Variants in PACSIN2 observed in about 807,000 individuals in gnomAD.
PACSIN2 encodes the protein protein kinase C and casein kinase substrate in neurons protein 2.
Under a neutral mutation model 63.8 loss-of-function variants are expected in PACSIN2, and 25 were observed. The ratio of observed to expected loss-of-function variants is 0.39; its 90% CI spans 0.29 to 0.55. The LOEUF (loss-of-function observed/expected upper bound fraction) is 0.55, where lower values mean the gene tolerates loss of function less well. PACSIN2 is among the 20% of genes least tolerant of loss of function. PACSIN2 has a pLI of 0.62. For synonymous variants in PACSIN2, 255 were observed against 256.2 expected (o/e 1.00, Z 0.05); for missense variants, 518 against 646.9 (o/e 0.80, Z 2.16).
chr22:42,923,488 C>T (rs955935776), intron 1 of PACSIN2, among the ~76,000 whole-genome samples: 4 of 152,068 alleles, frequency 2.6e-5, no homozygotes, highest in African/African-American at 7.2e-5. Flanking sequence ...AGTGCAGTGG[C>T]GTGATCTCGG....
intron 2 of PACSIN2, among the ~76,000 whole-genome samples, chr22:42,900,928 T>C (rs1461090833): frequency 3.9e-5 from 6 of 152,284 alleles, no homozygotes; most frequent in Middle Eastern, 3.4e-3. Flanking sequence ...CATGAGATGA[T>C]GCGTGTGCTT....
intron 1 of PACSIN2, among the ~76,000 whole-genome samples, chr22:42,997,542 C>T (rs570320649): frequency 4.2e-5 from 6 of 142,498 alleles, no homozygotes; most frequent in South Asian, 2.2e-4. Context: ...TGGGCGACAG[C>T]GAGACTCCGT....
intron 7 of PACSIN2, 58 bp downstream of exon 7, chr22:42,882,126 T>A (rs1929120045): frequency 1.3e-5 from 20 of 1,591,258 alleles, no homozygotes; most frequent in Non-Finnish European, 1.5e-5. Context: ...ATCTAGCAAC[T>A]CTGTGGGCCC....
chr22:42,871,229 A>G lies in PACSIN2; in HGVS notation c.*128T>C. ...GAAATGACCAGCTCATCTGCCTTCC[A>G]GGAACACCATGAAGCCAAGAGCAAT... On this transcript the variant is annotated 3_prime_UTR_variant, in exon 11 of 11. Coordinates refer to ENST00000263246, the MANE Select transcript of PACSIN2 (RefSeq NM_001184970.3). This position sits in a 1 kb window ranked among gnomAD's most constrained non-coding sequence, Gnocchi z 5.4. 1.5e-6 allele frequency: 1 copy of G among 670,824 alleles called. No homozygotes were observed. Among genetic ancestry groups the G allele is most frequent in the Non-Finnish European group, 2.7e-6 (1 of 368,994 alleles). 41.6% of individuals were successfully genotyped at this position (670,824 alleles called of 1,614,324 possible). A position where few individuals can be genotyped will look rare whatever the true frequency, so the allele number is the denominator to read the frequency against.
chr22:42,878,964 G>T (rs548322392), intron 8 of PACSIN2, 84 bp downstream of exon 8: 4 of 1,463,082 alleles, frequency 2.7e-6, no homozygotes, highest in South Asian at 2.8e-5. Flanking sequence ...AGGTGTCCAG[G>T]CCGGGGCTGC....
chr22:42,885,453 C>T lies in PACSIN2; in HGVS notation c.610-892G>A, dbSNP rs185406047. Reference sequence around the variant, plus strand: ...ATTCTTTCTACTATGGGGGTAGTCACGGGCTCCACTCAGGTCTAAGCTTTG... The same window carrying T: ...ATTCTTTCTACTATGGGGGTAGTCATGGGCTCCACTCAGGTCTAAGCTTTG... On this transcript the variant is annotated intron_variant, in intron 5 of 10. Coordinates refer to ENST00000263246, the MANE Select transcript of PACSIN2 (RefSeq NM_001184970.3). 1.6e-3 allele frequency among the ~76,000 whole-genome samples: 249 copies of T among 152,214 alleles called. 6 individuals are homozygous for T. The highest frequency in any genetic ancestry group is 0.011 in the Admixed American group (168 of 15,292).
chr22:42,957,326 T>G (rs546581280), intron 1 of PACSIN2, among the ~76,000 whole-genome samples: 2 of 152,368 alleles, frequency 1.3e-5, no homozygotes, highest in South Asian at 4.1e-4. Context: ...GTGCCAGTTT[T>G]CCTGAAGTGC....
chr22:42,912,064 T>C lies in PACSIN2; in HGVS notation c.17A>G (p.Asp6Gly), dbSNP rs781724114. 1 of 1,600,958 alleles carries C rather than the reference T, an allele frequency of 6.2e-7. No individual in the cohort carries two copies. The highest frequency in any genetic ancestry group is 8.5e-7 in the Non-Finnish European group (1 of 1,175,450). The stretch of plus-strand genomic sequence containing the variant: ...GGACACTTCTACTCCAACGGAATCA[T>C]CATATGTGACAGACATTTTTTCAAA... MSVTY[D>G]DSVGVEVSSD... is the part of the protein sequence containing the mutation. Residue 6 changes from aspartate (D) to glycine (G), a missense_variant, in exon 2 of 11, where the codon GAT becomes GGT. Asp to Gly is a moderately conservative substitution (Grantham distance 94). Around this residue, in one of 2 missense-constraint regions of PACSIN2, gnomAD observed 507 missense variants for 612.3 expected, o/e 0.83. Transcript: ENST00000263246.
chr22:42,893,394 C>A, intron 3 of PACSIN2, 63 bp downstream of exon 3: 5 of 1,546,688 alleles, frequency 3.2e-6, no homozygotes, highest in Non-Finnish European at 4.4e-6. Flanking sequence ...CACAACGTGC[C>A]CAGAGCCCCC....
At position 42,876,382 on chromosome 22, in the gene PACSIN2, G is replaced by A. The variant is rs770230323; in HGVS notation, c.1152-49C>T. The A allele has an allele frequency of 7.8e-6, 12 of 1,536,184 alleles. No homozygotes were observed. In the South Asian group the frequency reaches 1.4e-4, roughly 17 times the overall value. On this transcript the variant is annotated intron_variant, in intron 9 of 10. Coordinates refer to ENST00000263246, the MANE Select transcript of PACSIN2 (RefSeq NM_001184970.3). ...GGCCCTCAGCACAGGGCGGCAGAGG[G>A]TGTGAGGCCCCCGCCCCGCAAGGGG... is the stretch of plus-strand genomic sequence containing the variant.
At position 42,936,072 on chromosome 22, in the gene PACSIN2, C is replaced by T. The variant is rs185300755; in HGVS notation, c.-77-23915G>A. Among the ~76,000 whole-genome samples the T allele has an allele frequency of 2.2e-3, 332 of 152,158 alleles. 1 individual carries two copies. The highest frequency in any genetic ancestry group is 3.9e-3 in the Non-Finnish European group (268 of 68,010). The stretch of plus-strand genomic sequence containing the variant: ...ACTAAAAAAAATACAAAAAATTAGC[C>T]GAACATGGTGGCGGGTGCCTGTAGT... On this transcript the variant is annotated intron_variant, in intron 1 of 10. Coordinates refer to ENST00000263246, the MANE Select transcript of PACSIN2 (RefSeq NM_001184970.3).
At chr22:42,998,587 T>C (rs981748786) in intron 1 of PACSIN2, among the ~76,000 whole-genome samples, 2 of 152,254 alleles carry the variant, frequency 1.3e-5, no homozygotes, top group Non-Finnish European at 2.9e-5. Flanking sequence ...AAAAGGCTAC[T>C]GTAAATTCAA....
intron 1 of PACSIN2, among the ~76,000 whole-genome samples, chr22:42,937,002 C>T (rs989073709): frequency 6.6e-6 from 1 of 152,186 alleles, no homozygotes; most frequent in Non-Finnish European, 1.5e-5. Flanking sequence ...CCCACCAATG[C>T]CTACTTTCCA....
intron 1 of PACSIN2, among the ~76,000 whole-genome samples, chr22:42,932,862 C>A (rs1023791514): frequency 2.0e-5 from 3 of 152,176 alleles, no homozygotes; most frequent in Non-Finnish European, 4.4e-5. Context: ...CAGGACACCC[C>A]CCTGTCCACA....
intron 2 of PACSIN2, among the ~76,000 whole-genome samples, chr22:42,898,256 A>G (rs1930425917): frequency 6.6e-6 from 1 of 150,456 alleles, no homozygotes; most frequent in African/African-American, 2.4e-5. Context: ...CCACCTTGGG[A>G]AAGAGAACCT....
In PACSIN2 at chr22:42,926,758, G is replaced by C. The variant is rs999520894; in HGVS notation, c.-77-14601C>G. Among the ~76,000 whole-genome samples, 12 of 151,950 alleles carry C rather than the reference G, an allele frequency of 7.9e-5. No individual in the cohort carries two copies. The East Asian group carries it at 1.9e-3, about 25-fold the overall frequency. On this transcript the variant is annotated intron_variant, in intron 1 of 10. Coordinates refer to ENST00000263246, the MANE Select transcript of PACSIN2 (RefSeq NM_001184970.3). ...GAGGTGGGAGGACTGCTTGAGCCTA[G>C]GAGTTCAAGGCTGCAGTGAGCTATG... is the stretch of plus-strand genomic sequence containing the variant.
intron 1 of PACSIN2, among the ~76,000 whole-genome samples, chr22:42,945,198 CACCGGCAATT>C (rs1032485822): frequency 2.8e-5 from 4 of 141,072 alleles, no homozygotes; most frequent in African/African-American, 1.1e-4. Context: ...TAGATGTACG[CACCGGCAATT>C]ACCAAGCTGA....
At chr22:43,000,057 G>A (rs1923667070) in intron 1 of PACSIN2, among the ~76,000 whole-genome samples, 1 of 152,224 alleles carries the variant, frequency 6.6e-6, no homozygotes, top group Non-Finnish European at 1.5e-5. Context: ...CAATCTCAGA[G>A]CTGGGATTCA....
chr22:42,890,003 A>AC (rs1197253661), intron 4 of PACSIN2, among the ~76,000 whole-genome samples: 2 of 123,114 alleles, frequency 1.6e-5, no homozygotes, highest in Admixed American at 1.7e-4. Flanking sequence ...AGCCAAAGGG[A>AC]CTTTTTTTTT....
Sources: allele counts gnomAD v4.1 joint callset (sites outside exome capture counted in the v4.1 genomes callset), GRCh38; gene constraint gnomAD v4.1.1; regional missense constraint gnomAD v4.1.1; non-coding constraint Gnocchi (gnomAD v3.1); transcripts MANE v1.5; gene names NCBI Gene and HGNC (gene_info 2026-07-23, HGNC 2026-07-21).